The following KAZN variants were observed in gnomAD, a reference collection of about 807,000 sequenced individuals.
The protein encoded by KAZN is kazrin.
Under a neutral mutation model 87.4 loss-of-function variants are expected in KAZN, and 40 were observed. The observed-to-expected ratio is 0.46, with a 90% CI of 0.36 to 0.60. The LOEUF is 0.60. Among genes scored for constraint, KAZN ranks in the 20% least tolerant of loss-of-function variants. The pLI, the probability that KAZN is intolerant of heterozygous loss-of-function variation, is 0.00. For synonymous variants in KAZN, 466 were observed against 458.3 expected (o/e 1.02, Z -0.22); for missense variants, 898 against 1,073.9 (o/e 0.84, Z 2.29).
chr1:14,022,102 G>C (rs1333939356), intron 1 of KAZN, among the ~76,000 whole-genome samples: 1 of 151,952 alleles, frequency 6.6e-6, no homozygotes, highest in Non-Finnish European at 1.5e-5. Context: ...ATATCTTGTT[G>C]AGTGGTGATG....
intron 1 of KAZN, among the ~76,000 whole-genome samples, chr1:14,643,756 T>C (rs1267352716): frequency 1.3e-5 from 2 of 152,234 alleles, no homozygotes; most frequent in Non-Finnish European, 2.9e-5. Context: ...CTTTCCACAA[T>C]GGTTGAACTA....
At chr1:14,601,058 C>T (rs1676932724) in intron 1 of KAZN, among the ~76,000 whole-genome samples, 1 of 152,196 alleles carries the variant, frequency 6.6e-6, no homozygotes, top group Admixed American at 6.5e-5. Context: ...ATGAAAATGG[C>T]TTTTGGATCT....
chr1:13,986,747 A>C (rs575113238), intron 1 of KAZN, among the ~76,000 whole-genome samples: 3 of 152,302 alleles, frequency 2.0e-5, no homozygotes, highest in East Asian at 3.9e-4. Context: ...GAAGCCAAGG[A>C]AGGATGGGTA....
intron 1 of KAZN, among the ~76,000 whole-genome samples, chr1:14,683,229 G>A (rs745913653): frequency 6.6e-6 from 1 of 152,164 alleles, no homozygotes; most frequent in Non-Finnish European, 1.5e-5. Context: ...AATTGCCTGG[G>A]TGCTGAGTCG....
At chr1:14,019,465 T>A (rs2101242198) in intron 1 of KAZN, among the ~76,000 whole-genome samples, 1 of 152,326 alleles carries the variant, frequency 6.6e-6, no homozygotes, top group South Asian at 2.1e-4. Context: ...ATTTCTTCTT[T>A]GCTAGTTATC....
chr1:14,180,561 TA>T lies in KAZN; in HGVS notation c.219del (p.Leu74Ter). The T allele has an allele frequency of 6.5e-7, 1 of 1,550,352 alleles. No homozygotes were observed. Among genetic ancestry groups the T allele is most frequent in the Non-Finnish European group, 8.7e-7 (1 of 1,146,774 alleles). On this transcript the variant is annotated frameshift_variant, in exon 2 of 17. Coordinates refer to the KAZN transcript ENST00000636203. LOFTEE classifies it high-confidence loss of function. ...AAGGAGACTCTGAAGAGTTCCATGA[TA>T]TTGATGAGGCACCTCTTAATGGATG...
chr1:14,104,632 C>A (rs1468722648), intron 1 of KAZN, among the ~76,000 whole-genome samples: 4 of 152,198 alleles, frequency 2.6e-5, no homozygotes, highest in Non-Finnish European at 5.9e-5. Context: ...AGCTGCAAAT[C>A]TAGTGTTCAT....
chr1:14,884,148 C>G (rs1653787143), intron 1 of KAZN, among the ~76,000 whole-genome samples: 1 of 152,136 alleles, frequency 6.6e-6, no homozygotes, highest in Non-Finnish European at 1.5e-5. Context: ...AATCCCAGCA[C>G]TTTGGGAGGC....
chr1:14,789,061 C>T (rs1054668106), intron 1 of KAZN, among the ~76,000 whole-genome samples: 16 of 152,164 alleles, frequency 1.1e-4, no homozygotes, highest in African/African-American at 2.9e-4. Context: ...GGACACTGGA[C>T]GGGTTAGTTT....
At chr1:14,692,194 CT>C in intron 1 of KAZN, 2 of 450,944 alleles carry the variant, frequency 4.4e-6, no homozygotes, top group Non-Finnish European at 7.9e-6. Flanking sequence ...TCTTCCAAGT[CT>C]TTTTCACTTT....
At chr1:14,390,492 C>G (rs1662325116) in intron 2 of KAZN, among the ~76,000 whole-genome samples, 1 of 152,184 alleles carries the variant, frequency 6.6e-6, no homozygotes, top group Admixed American at 6.5e-5. Context: ...GAAAGCTGTG[C>G]AAATGTTTTG....
At chr1:14,911,500 G>A (rs576353755) in intron 1 of KAZN, among the ~76,000 whole-genome samples, 14 of 152,304 alleles carry the variant, frequency 9.2e-5, no homozygotes, top group South Asian at 8.3e-4. Context: ...CTGCATTTCC[G>A]AGTGGGAAGT....
intron 2 of KAZN, among the ~76,000 whole-genome samples, chr1:14,588,949 G>A (rs377340075): frequency 1.1e-4 from 17 of 152,286 alleles, no homozygotes; most frequent in East Asian, 3.9e-4. Flanking sequence ...GGACCTAGGC[G>A]TGGAGCCAGT....
intron 1 of KAZN, among the ~76,000 whole-genome samples, chr1:14,612,727 G>A (rs1172791365): frequency 1.3e-5 from 2 of 152,152 alleles, no homozygotes; most frequent in African/African-American, 4.8e-5. Context: ...ACATTTAGCA[G>A]CATCTATGCC....
At chr1:13,962,416 G>A (rs71629865) in intron 1 of KAZN, among the ~76,000 whole-genome samples, 3 of 152,188 alleles carry the variant, frequency 2.0e-5, no homozygotes, top group Non-Finnish European at 4.4e-5. Context: ...ACACAGTGGA[G>A]GGGTGGAGGA....
intron 1 of KAZN, among the ~76,000 whole-genome samples, chr1:14,000,445 CTACA>C (rs949127767): frequency 5.9e-5 from 9 of 152,176 alleles, no homozygotes; most frequent in African/African-American, 1.9e-4. Context: ...AAGACAAAAA[CTACA>C]TGATTATTTC....
At chr1:14,114,000 A>G (rs1303262170) in intron 1 of KAZN, among the ~76,000 whole-genome samples, 1 of 152,202 alleles carries the variant, frequency 6.6e-6, no homozygotes, top group Middle Eastern at 3.2e-3. Flanking sequence ...GGTGGAGGCC[A>G]CAAACTGGCA....
intron 2 of KAZN, among the ~76,000 whole-genome samples, chr1:14,447,207 A>G (rs1350174414): frequency 5.4e-5 from 6 of 111,158 alleles, no homozygotes; most frequent in Non-Finnish European, 9.0e-5. Flanking sequence ...CGTTTCCACC[A>G]CATTATTATT....
intron 4 of KAZN, among the ~76,000 whole-genome samples, chr1:15,049,911 C>A (rs1042954283): frequency 4.7e-4 from 72 of 152,218 alleles, no homozygotes; most frequent in African/African-American, 1.7e-3. Context: ...GTAATCCCAG[C>A]TACTCTGGAG....
Sources: allele counts gnomAD v4.1 joint callset (sites outside exome capture counted in the v4.1 genomes callset), GRCh38; gene constraint gnomAD v4.1.1; transcripts MANE v1.5; gene names NCBI Gene and HGNC (gene_info 2026-07-23, HGNC 2026-07-21).